The following ARVCF variants were observed in gnomAD, a reference collection of about 807,000 sequenced individuals.
ARVCF encodes the protein ARVCF delta catenin family member, also known as splicing regulator ARVCF.
Under a neutral mutation model 90.9 loss-of-function variants are expected in ARVCF, and 66 were observed. The ratio of observed to expected loss-of-function variants is 0.73; its 90% CI spans 0.60 to 0.89. The LOEUF is 0.89. ARVCF is among the 40% of genes least tolerant of loss of function. The pLI is 0.00. For synonymous variants in ARVCF, 653 were observed against 603.4 expected, an observed-to-expected ratio of 1.08 and a Z score of -1.21; for missense variants, 1,469 against 1,382.3, an observed-to-expected ratio of 1.06 and a Z score of -1.00.
At position 19,971,758 on chromosome 22, in the gene ARVCF, G is replaced by C. The variant is rs556751482; in HGVS notation, c.2781+128C>G. 28 of 977,312 alleles carry C rather than the reference G, an allele frequency of 2.9e-5. No individual in the cohort carries two copies. In the South Asian group the frequency reaches 3.8e-4, roughly 13 times the overall value. The allele number at this position is 977,312 out of a possible 1,614,324, so 60.5% of individuals were successfully genotyped here. A position where few individuals can be genotyped will look rare whatever the true frequency, so the allele number is the denominator to read the frequency against. On this transcript the variant is annotated intron_variant, in intron 18 of 19. Transcript: ENST00000263207. ...ACTGGCGTGAAGGGGCTGCTTCCTG[G>C]GCTTGGCCCCACAACCCAGCTGTAC...
Position 19,981,246 on chromosome 22 carries a change from C to T in ARVCF, c.861G>A (p.Arg287=), listed in dbSNP as rs1943475877. 1 of 1,558,066 alleles carries T rather than the reference C, an allele frequency of 6.4e-7. No individual in the cohort carries two copies. ...GGCCCCGCCCACACTCAGGCCTCCT[C>T]CTTGTGGCCGTGCCATAGTCAGGCT... ...ELEPDYGTAT[R]RRPECGRGLH... is the part of the protein sequence containing the mutation. Residue 287 remains arginine, a synonymous_variant, in exon 5 of 20, where the codon AGG becomes AGA. Coordinates refer to ENST00000263207, the MANE Select transcript of ARVCF (RefSeq NM_001670.3).
downstream of ARVCF, chr22:19,965,756 C>G (rs561990876): frequency 7.1e-6 from 1 of 140,962 alleles, no homozygotes; most frequent in Non-Finnish European, 1.5e-5. Flanking sequence ...CCTGAACTCA[C>G]GAGGAGGCAC....
intron 2 of ARVCF, among the ~76,000 whole-genome samples, chr22:19,998,062 G>A (rs1165990931): frequency 6.6e-6 from 1 of 152,224 alleles, no homozygotes; most frequent in Non-Finnish European, 1.5e-5. Context: ...GCTAGGCTGG[G>A]ATCAGAGGCA....
chr22:19,988,859 G>A (rs138233689), intron 3 of ARVCF, among the ~76,000 whole-genome samples: 1 of 151,944 alleles, frequency 6.6e-6, no homozygotes, highest in Non-Finnish European at 1.5e-5. Flanking sequence ...AGGGTAGGGG[G>A]TCGGGGGGAG....
At chr22:19,965,514 T>C (rs1014114092), downstream of ARVCF, 5 of 152,148 alleles carry the variant, frequency 3.3e-5, no homozygotes, top group African/African-American at 1.2e-4. Context: ...GCTAGTTTTT[T>C]GTAGTTTAGT....
chr22:20,011,383 A>G (rs914254060), intron 1 of ARVCF, among the ~76,000 whole-genome samples: 1 of 152,000 alleles, frequency 6.6e-6, no homozygotes, highest in Non-Finnish European at 1.5e-5. Context: ...ATCGGTAATG[A>G]GAGCTCTCTC....
chr22:19,980,179 C>G lies in ARVCF; in HGVS notation c.960G>C (p.Met320Ile). 2 of 1,571,732 alleles carry G rather than the reference C, an allele frequency of 1.3e-6. No homozygotes were observed. Among genetic ancestry groups the G allele is most frequent in the South Asian group, 2.3e-5 (2 of 88,556 alleles). ...CAGGCTGGGCCAGGGGCGCCGTCAC[C>G]ATTGGGAACGCAGGCCGCTCGTCCG... Reference protein sequence around the residue: ...ELADERPAFPMVTAPLAQPER... With the variant: ...ELADERPAFPIVTAPLAQPER... The change falls in exon 6 of 20, where the codon ATG becomes ATC. Residue 320 changes from methionine to isoleucine, a missense_variant. Met to Ile is a conservative substitution (Grantham distance 10). Transcript: ENST00000263207.
chr22:19,987,241 AAT>A, intron 3 of ARVCF: 1 of 321,492 alleles, frequency 3.1e-6, no homozygotes, highest in Non-Finnish European at 5.6e-6. Context: ...GCGAGCAGCC[AAT>A]CGGGCGGGGC....
intron 2 of ARVCF, among the ~76,000 whole-genome samples, chr22:20,009,470 T>C (rs767836368): frequency 6.6e-6 from 1 of 152,160 alleles, no homozygotes; most frequent in Non-Finnish European, 1.5e-5. Flanking sequence ...GGGCCATGCC[T>C]CCACAATGGG....
downstream of ARVCF, among the ~76,000 whole-genome samples, chr22:19,967,984 G>A (rs536959884): frequency 1.6e-4 from 24 of 152,344 alleles, no homozygotes; most frequent in African/African-American, 5.5e-4. Flanking sequence ...TCCTCCCAGG[G>A]CCCAGGCACT....
At chr22:19,984,422 C>T (rs994108712) in intron 3 of ARVCF, among the ~76,000 whole-genome samples, 3 of 152,258 alleles carry the variant, frequency 2.0e-5, no homozygotes, top group Admixed American at 1.3e-4. Context: ...CTAGCAGCCC[C>T]GCAGTAGGAT....
chr22:19,973,965 ATTGCC>A, intron 12 of ARVCF, 142 bp downstream of exon 12: 1 of 1,478,064 alleles, frequency 6.8e-7, no homozygotes, highest in East Asian at 2.3e-5. Flanking sequence ...GGGTGCACGC[ATTGCC>A]CGCAGCCCAT....
chr22:19,976,655 G>C (rs1171469511), intron 10 of ARVCF, 51 bp downstream of exon 10: 1 of 1,549,672 alleles, frequency 6.5e-7, no homozygotes, highest in African/African-American at 1.4e-5. Context: ...CCTCTTCCCA[G>C]GTACCCACTG....
In ARVCF at chr22:20,005,230, A is replaced by G. The variant is rs1280848931; in HGVS notation, c.-19+5225T>C. On this transcript the variant is annotated intron_variant, in intron 2 of 19. Coordinates refer to ENST00000263207, the MANE Select transcript of ARVCF (RefSeq NM_001670.3). ...AATAACCCAATTTAAAAATGAGTGG[A>G]GTTGAACTGACATTTCTCCAAAGAA... 3.9e-5 allele frequency among the ~76,000 whole-genome samples: 6 copies of G among 152,216 alleles called. No individual in the cohort carries two copies. The East Asian group carries it at 1.2e-3, about 29-fold the overall frequency.
intron 9 of ARVCF, 31 bp from the exon 10 acceptor site, chr22:19,976,754 G>A (rs1262537028): frequency 3.2e-6 from 5 of 1,557,028 alleles, no homozygotes; most frequent in Admixed American, 1.9e-5. Context: ...GAGGAGAGAG[G>A]AGAGGAGCCT....
In ARVCF at chr22:19,986,270, G is replaced by A. The variant is rs566288321; in HGVS notation, c.211-4179C>T. Among the ~76,000 whole-genome samples the A allele has an allele frequency of 1.9e-4, 29 of 152,348 alleles. No homozygotes were observed. The South Asian group carries it at 6.0e-3, about 32-fold the overall frequency. ...CCCTGGGGGCCACACCAGGGCCGTA[G>A]GACAGGCAGGGGCCTAGTTGCCCAG... On this transcript the variant is annotated intron_variant, in intron 3 of 19. Coordinates refer to ENST00000263207, the MANE Select transcript of ARVCF (RefSeq NM_001670.3).
At chr22:19,993,801 A>AC (rs1159742806) in intron 2 of ARVCF, among the ~76,000 whole-genome samples, 1 of 152,262 alleles carries the variant, frequency 6.6e-6, no homozygotes, top group African/African-American at 2.4e-5. Context: ...CAGGAACTGA[A>AC]GGGGGGCTGG....
intron 3 of ARVCF, among the ~76,000 whole-genome samples, chr22:19,987,758 C>A (rs943505119): frequency 1.3e-5 from 2 of 152,076 alleles, no homozygotes; most frequent in African/African-American, 4.8e-5. Flanking sequence ...GAAGAACTGT[C>A]CCCACAGAGT....
chr22:20,008,732 A>G (rs887203), intron 2 of ARVCF, among the ~76,000 whole-genome samples: 139,867 of 152,148 alleles, frequency 0.92, 64,881 homozygotes, highest in African/African-American at 0.97. Context: ...AGGTTGCCCA[A>G]GCCAGAGCAG....
Sources: gnomAD v4.1 joint callset for allele counts (sites outside exome capture counted in the v4.1 genomes callset) on GRCh38, gnomAD v4.1.1 for gene constraint, MANE v1.5 for transcripts, NCBI Gene and HGNC (gene_info 2026-07-23, HGNC 2026-07-21) for gene names.